The following SGIP1 variants were observed in gnomAD, a reference collection of about 807,000 sequenced individuals.
SGIP1 encodes SH3GL interacting endocytic adaptor 1, also known as SH3-containing GRB2-like protein 3-interacting protein 1.
In SGIP1, 38 loss-of-function variants were observed where a neutral mutation model predicts 107.5. That is an observed-to-expected ratio of 0.35 (90% confidence interval 0.27 to 0.46). The LOEUF is 0.46. Ranked by LOEUF, SGIP1 falls within the 20% of genes least tolerant of loss-of-function variation. SGIP1 has a pLI of 1.00. For synonymous variants in SGIP1, 365 were observed against 366.1 expected (o/e 1.00, Z 0.03); for missense variants, 929 against 1,019.5 (o/e 0.91, Z 1.21).
rs1409392067 is a variant in SGIP1, at chr1:66,741,258, G to A, written c.2300-14G>A. ...ATGTTGACTGTTACCTTGTAATAATGTGTTTTTTTTTAGGGGTGGGTTCTT... is the reference window on the plus strand; with the variant it reads ...ATGTTGACTGTTACCTTGTAATAATATGTTTTTTTTTAGGGGTGGGTTCTT... On this transcript the variant is annotated splice_polypyrimidine_tract_variant and intron_variant, in intron 23 of 24. Coordinates refer to ENST00000371037, the MANE Select transcript of SGIP1 (RefSeq NM_032291.4). The A allele has an allele frequency of 1.3e-6, 2 of 1,563,076 alleles. No homozygotes were observed. Among genetic ancestry groups the A allele is most frequent in the Non-Finnish European group, 1.7e-6 (2 of 1,157,212 alleles).
At chr1:66,630,632 C>G (rs1373987012) in intron 2 of SGIP1, among the ~76,000 whole-genome samples, 1 of 151,100 alleles carries the variant, frequency 6.6e-6, no homozygotes, top group African/African-American at 2.4e-5. Context: ...CATGGTGAAA[C>G]TGCTTCTCTA....
chr1:66,644,756 T>C (rs553051656), intron 7 of SGIP1, among the ~76,000 whole-genome samples: 1 of 152,318 alleles, frequency 6.6e-6, no homozygotes, highest in African/African-American at 2.4e-5. Flanking sequence ...ATGCTTATAA[T>C]GGACTTGATC....
At chr1:66,729,907 T>C (rs994563582) in intron 20 of SGIP1, among the ~76,000 whole-genome samples, 31 of 152,140 alleles carry the variant, frequency 2.0e-4, no homozygotes, top group Admixed American at 6.5e-5. Context: ...GTTCAAGTGG[T>C]TCTCCTGCCT....
chr1:66,608,106 A>G, intron 1 of SGIP1, among the ~76,000 whole-genome samples: 1 of 152,240 alleles, frequency 6.6e-6, no homozygotes, highest in East Asian at 1.9e-4. Context: ...AATGTGACCC[A>G]GGCTCATCAC....
chr1:66,680,717 G>A (rs532778787), intron 14 of SGIP1, among the ~76,000 whole-genome samples: 1 of 152,274 alleles, frequency 6.6e-6, no homozygotes, highest in South Asian at 2.1e-4. Context: ...TATAAATATT[G>A]CGGACTATGC....
At chr1:66,646,168 T>C (rs756518028) in intron 7 of SGIP1, among the ~76,000 whole-genome samples, 1 of 152,144 alleles carries the variant, frequency 6.6e-6, no homozygotes, top group East Asian at 1.9e-4. Flanking sequence ...AAATGACATA[T>C]GCAGCACTTC....
chr1:66,585,064 G>T (rs1021868473), intron 1 of SGIP1, among the ~76,000 whole-genome samples: 4 of 152,170 alleles, frequency 2.6e-5, no homozygotes, highest in African/African-American at 9.7e-5. Context: ...CCAGTCACAT[G>T]TGTGTTTTCT....
chr1:66,738,603 T>C (rs1372746366), intron 21 of SGIP1, among the ~76,000 whole-genome samples: 1 of 152,178 alleles, frequency 6.6e-6, no homozygotes, highest in African/African-American at 2.4e-5. Context: ...TGATTCTAAT[T>C]AGTATCAACA....
intron 11 of SGIP1, among the ~76,000 whole-genome samples, chr1:66,672,916 G>A (rs940118608): frequency 6.6e-6 from 1 of 151,978 alleles, no homozygotes; most frequent in Non-Finnish European, 1.5e-5. Context: ...AATTTTACTT[G>A]AGATCTTAGG....
At chr1:66,719,519 A>G (rs1303434635) in intron 19 of SGIP1, 114 bp downstream of exon 19, 1 of 616,524 alleles carries the variant, frequency 1.6e-6, no homozygotes, top group Non-Finnish European at 2.7e-6. Context: ...TAATTCAGTT[A>G]GCAATAGTAG....
At chr1:66,696,287 G>A (rs1415160819) in intron 18 of SGIP1, among the ~76,000 whole-genome samples, 1 of 152,138 alleles carries the variant, frequency 6.6e-6, no homozygotes, top group Non-Finnish European at 1.5e-5. Flanking sequence ...AAGAAGTTAA[G>A]TAATTTAACT....
chr1:66,573,678 T>C (rs2060689325), intron 1 of SGIP1, among the ~76,000 whole-genome samples: 1 of 152,136 alleles, frequency 6.6e-6, no homozygotes, highest in East Asian at 1.9e-4. Context: ...AAATACCGTA[T>C]GCTCTCACTT....
chr1:66,722,243 C>G (rs1285325531), intron 19 of SGIP1, among the ~76,000 whole-genome samples: 1 of 152,162 alleles, frequency 6.6e-6, no homozygotes, highest in East Asian at 1.9e-4. Context: ...TCCCCTCATT[C>G]CCTTCATGAT....
intron 18 of SGIP1, among the ~76,000 whole-genome samples, chr1:66,699,069 CCAGGAATGCCACATCCCTAG>C: frequency 6.6e-6 from 1 of 152,028 alleles, no homozygotes; most frequent in South Asian, 2.1e-4. Context: ...ATCATTCCCA[CCAGGAATGCCACATCCCTAG>C]CAGTACCCTT....
chr1:66,727,517 C>T (rs968025558), intron 19 of SGIP1, among the ~76,000 whole-genome samples: 1 of 152,190 alleles, frequency 6.6e-6, no homozygotes, highest in Admixed American at 6.5e-5. Context: ...GAGCTAGTGA[C>T]TCTCCTCCTG....
chr1:66,656,218 C>A (rs879310696), intron 7 of SGIP1, among the ~76,000 whole-genome samples: 2 of 152,218 alleles, frequency 1.3e-5, no homozygotes, highest in Non-Finnish European at 2.9e-5. Flanking sequence ...TTCCCCTCCA[C>A]CTTTTATCCC....
intron 7 of SGIP1, among the ~76,000 whole-genome samples, chr1:66,649,415 G>C (rs558817760): frequency 1.3e-5 from 2 of 152,294 alleles, no homozygotes; most frequent in African/African-American, 4.8e-5. Context: ...CTCAGTGAGA[G>C]TCTCAGTTTC....
intron 15 of SGIP1, among the ~76,000 whole-genome samples, chr1:66,682,832 A>AT (rs1490123365): frequency 6.8e-6 from 1 of 147,264 alleles, no homozygotes; most frequent in Non-Finnish European, 1.5e-5. Flanking sequence ...TTTTTTTTCT[A>AT]TTTTTTTCTT....
chr1:66,686,815 C>T (rs772907532), intron 15 of SGIP1, among the ~76,000 whole-genome samples: 1 of 152,198 alleles, frequency 6.6e-6, no homozygotes, highest in African/African-American at 2.4e-5. Flanking sequence ...CAATGAACAA[C>T]GAACTTTTTT....
Sources: allele counts gnomAD v4.1 joint callset (sites outside exome capture counted in the v4.1 genomes callset), GRCh38; gene constraint gnomAD v4.1.1; transcripts MANE v1.5; gene names NCBI Gene and HGNC (gene_info 2026-07-23, HGNC 2026-07-21).